Variants in CLSTN2 observed in about 807,000 individuals in gnomAD.
The protein encoded by CLSTN2 is calsyntenin 2, also known as calsyntenin-2.
In CLSTN2, 48 loss-of-function variants were observed where a neutral mutation model predicts 101.2. That is an observed-to-expected ratio of 0.47 (90% CI 0.38 to 0.60). The LOEUF is 0.60. Ranked by LOEUF, CLSTN2 falls within the 20% of genes least tolerant of loss-of-function variation. The pLI, the probability that CLSTN2 is intolerant of heterozygous loss-of-function variation, is 0.00. For missense variants in CLSTN2, 1,160 were observed against 1,238.2 expected (o/e 0.94, Z 0.95); for synonymous variants, 481 against 463.6 (o/e 1.04, Z -0.48).
chr3:140,516,746 C>G (rs1484292901), intron 8 of CLSTN2, among the ~76,000 whole-genome samples: 1 of 152,100 alleles, frequency 6.6e-6, no homozygotes, highest in Admixed American at 6.5e-5. Context: ...GATGCTTTTG[C>G]CTCGCAGCTC....
chr3:140,506,435 C>T (rs1302504784), intron 8 of CLSTN2, among the ~76,000 whole-genome samples: 2 of 152,088 alleles, frequency 1.3e-5, no homozygotes, highest in Non-Finnish European at 2.9e-5. Flanking sequence ...CCCTGGAACC[C>T]CAGGGTCCTT....
At chr3:140,143,265 G>T (rs1011530312) in intron 1 of CLSTN2, among the ~76,000 whole-genome samples, 5 of 152,082 alleles carry the variant, frequency 3.3e-5, no homozygotes, top group African/African-American at 1.2e-4. Flanking sequence ...GAGAAGTTCC[G>T]CAATCTCACA....
intron 2 of CLSTN2, among the ~76,000 whole-genome samples, chr3:140,249,198 C>T (rs1053514063): frequency 2.0e-5 from 3 of 152,070 alleles, no homozygotes; most frequent in Non-Finnish European, 4.4e-5. Context: ...CAAACAGGGC[C>T]CAGAGAGAGG....
intron 2 of CLSTN2, among the ~76,000 whole-genome samples, chr3:140,379,293 T>C (rs2087953704): frequency 6.6e-6 from 1 of 152,168 alleles, no homozygotes; most frequent in Non-Finnish European, 1.5e-5. Context: ...ACACAATCTC[T>C]GGACCATAAT....
intron 7 of CLSTN2, among the ~76,000 whole-genome samples, 172 bp downstream of exon 7, chr3:140,459,941 G>A (rs972698882): frequency 1.3e-5 from 2 of 152,126 alleles, no homozygotes; most frequent in South Asian, 2.1e-4. Flanking sequence ...TGATTTTCCA[G>A]GCTTGGCTTG....
intron 8 of CLSTN2, among the ~76,000 whole-genome samples, chr3:140,488,914 G>A (rs1934289378): frequency 6.6e-6 from 1 of 152,128 alleles, no homozygotes; most frequent in African/African-American, 2.4e-5. Context: ...GAACACATGA[G>A]TGTGCAAATA....
chr3:140,374,790 G>A (rs534026678), intron 2 of CLSTN2, among the ~76,000 whole-genome samples: 7 of 152,126 alleles, frequency 4.6e-5, no homozygotes, highest in Non-Finnish European at 8.8e-5. Context: ...TAGCTTTCAC[G>A]TTAGTCTTAC....
At chr3:140,286,548 C>T (rs1177148811) in intron 2 of CLSTN2, among the ~76,000 whole-genome samples, 1 of 152,178 alleles carries the variant, frequency 6.6e-6, no homozygotes, top group Non-Finnish European at 1.5e-5. Context: ...TCTTTTGCCG[C>T]CCTCTATTCA....
intron 2 of CLSTN2, among the ~76,000 whole-genome samples, chr3:140,359,125 T>C (rs1323607986): frequency 6.6e-6 from 1 of 151,250 alleles, no homozygotes; most frequent in African/African-American, 2.4e-5. Flanking sequence ...TGGCAGTTTC[T>C]TTGCTGGCAT....
chr3:140,439,198 T>G (rs1282033195), intron 5 of CLSTN2, among the ~76,000 whole-genome samples: 2 of 152,248 alleles, frequency 1.3e-5, no homozygotes, highest in Non-Finnish European at 2.9e-5. Flanking sequence ...CTCAGAGGCC[T>G]GAGCCAGCCA....
At chr3:140,446,978 C>T (rs1158001620) in intron 5 of CLSTN2, among the ~76,000 whole-genome samples, 1 of 152,192 alleles carries the variant, frequency 6.6e-6, no homozygotes, top group Non-Finnish European at 1.5e-5. Context: ...GAAACAAACC[C>T]TGAACAAATG....
At chr3:140,241,416 G>A (rs1434319173) in intron 2 of CLSTN2, among the ~76,000 whole-genome samples, 2 of 152,086 alleles carry the variant, frequency 1.3e-5, no homozygotes, top group African/African-American at 4.8e-5. Context: ...TGAGTCCACC[G>A]ACCTTGATCT....
At chr3:140,152,980 G>A (rs1046422361) in intron 1 of CLSTN2, among the ~76,000 whole-genome samples, 12 of 152,292 alleles carry the variant, frequency 7.9e-5, no homozygotes, top group Admixed American at 1.3e-4. Flanking sequence ...ATGGAATCCC[G>A]ACTGGAGCCT....
rs945925981 is a variant in CLSTN2, at chr3:139,996,916, G to A, written c.109+61433G>A. Among the ~76,000 whole-genome samples, 9 of 151,608 alleles carry A rather than the reference G, an allele frequency of 5.9e-5. No individual in the cohort carries two copies. The East Asian group carries it at 1.4e-3, about 23-fold the overall frequency. ...TACAAAATTAGCCGGGCGTGGTGGCGGGCACCTGTAATCCCAGCTACTTGG... is the reference window on the plus strand; with the variant it reads ...TACAAAATTAGCCGGGCGTGGTGGCAGGCACCTGTAATCCCAGCTACTTGG... On this transcript the variant is annotated intron_variant, in intron 1 of 16. Transcript: ENST00000458420.
At chr3:140,051,387 A>G (rs1474389245) in intron 1 of CLSTN2, among the ~76,000 whole-genome samples, 1 of 152,156 alleles carries the variant, frequency 6.6e-6, no homozygotes, top group African/African-American at 2.4e-5. Flanking sequence ...TCATTGCTGA[A>G]ACCCTTCCTG....
At chr3:140,448,827 C>G in intron 6 of CLSTN2, 123 bp downstream of exon 6, 1 of 835,804 alleles carries the variant, frequency 1.2e-6, no homozygotes, top group Non-Finnish European at 1.8e-6. Flanking sequence ...ATGTGTAACT[C>G]CTGGATGGAT....
intron 2 of CLSTN2, among the ~76,000 whole-genome samples, chr3:140,215,402 T>C (rs1268921111): frequency 2.0e-5 from 3 of 152,224 alleles, no homozygotes; most frequent in Non-Finnish European, 2.9e-5. Flanking sequence ...AAAAGGCAGA[T>C]AACTCGTTCA....
At chr3:140,300,471 C>T (rs775210813) in intron 2 of CLSTN2, among the ~76,000 whole-genome samples, 2 of 152,244 alleles carry the variant, frequency 1.3e-5, no homozygotes, top group South Asian at 4.1e-4. Context: ...CCAGCCCTGC[C>T]TCAGAGAGTT....
chr3:140,012,671 G>T (rs969026050), intron 1 of CLSTN2, among the ~76,000 whole-genome samples: 1 of 152,226 alleles, frequency 6.6e-6, no homozygotes, highest in Admixed American at 6.5e-5. Flanking sequence ...AGGAAGGAGA[G>T]TCATTAGGTT....
Sources: allele counts gnomAD v4.1 joint callset (sites outside exome capture counted in the v4.1 genomes callset), GRCh38; gene constraint gnomAD v4.1.1; transcripts MANE v1.5; gene names NCBI Gene and HGNC (gene_info 2026-07-23, HGNC 2026-07-21).